LMAN2: variants seen among roughly 807,000 people sequenced by gnomAD.
LMAN2 encodes vesicular integral-membrane protein VIP36.
In LMAN2, 22 loss-of-function variants were observed where a neutral mutation model predicts 39.3. That is an observed-to-expected ratio of 0.56 (90% confidence interval 0.40 to 0.80). The LOEUF (loss-of-function observed/expected upper bound fraction) is 0.80. Ranked by LOEUF, LMAN2 falls within the 30% of genes least tolerant of loss-of-function variation. The pLI is 0.00. For synonymous variants in LMAN2, 207 were observed against 207.8 expected (o/e 1.00, Z 0.03); for missense variants, 494 against 505.4 (o/e 0.98, Z 0.22).
chr5:177,337,189 C>A lies in LMAN2; in HGVS notation c.737G>T (p.Arg246Leu). The part of the protein sequence containing the change: ...WKNCIDITGV[R>L]LPTGYYFGAS... Reference sequence around the variant, plus strand: ...CCCGAAGTAGTAGCCGGTGGGCAGGCGCACTCCCGTGATGTCAATGCAGTT... The same window carrying A: ...CCCGAAGTAGTAGCCGGTGGGCAGGAGCACTCCCGTGATGTCAATGCAGTT... Residue 246 changes from arginine to leucine, a missense_variant, in exon 6 of 8, where the codon CGC becomes CTC. Physicochemically the swap from Arg to Leu is moderately radical, Grantham distance 102. Transcript: ENST00000303127. The surrounding 1 kb of genome is among the most constrained non-coding windows in gnomAD (Gnocchi z 8.2). The A allele has an allele frequency of 6.2e-7, 1 of 1,613,952 alleles. No individual in the cohort carries two copies. Among genetic ancestry groups the A allele is most frequent in the Non-Finnish European group, 8.5e-7 (1 of 1,179,966 alleles).
chr5:177,339,600 T>G (rs987699910), intron 2 of LMAN2, among the ~76,000 whole-genome samples: 1 of 152,186 alleles, frequency 6.6e-6, no homozygotes, highest in Admixed American at 6.5e-5. Context: ...AGCAAGTGAT[T>G]AAACAAAGAC....
At chr5:177,339,294 C>T (rs551815494) in intron 2 of LMAN2, among the ~76,000 whole-genome samples, 2 of 152,348 alleles carry the variant, frequency 1.3e-5, no homozygotes, top group African/African-American at 4.8e-5. Flanking sequence ...AAAATCAGGC[C>T]GGGTCAGTGC....
chr5:177,342,048 T>C (rs1408153737), intron 2 of LMAN2, among the ~76,000 whole-genome samples: 2 of 152,000 alleles, frequency 1.3e-5, no homozygotes, highest in East Asian at 1.9e-4. Flanking sequence ...TTTGAATATA[T>C]AGAGTAAGAT....
At chr5:177,344,109 C>T (rs962884170) in intron 2 of LMAN2, among the ~76,000 whole-genome samples, 4 of 151,306 alleles carry the variant, frequency 2.6e-5, no homozygotes, top group Admixed American at 6.6e-5. Context: ...ATCCCAGCTA[C>T]TCAGGACACT....
At position 177,337,877 on chromosome 5, in the gene LMAN2, CAA is replaced by C; in HGVS notation, c.434-94_434-93del. 1.9e-6 allele frequency: 2 copies of C among 1,056,072 alleles called. No individual in the cohort carries two copies. The highest frequency in any genetic ancestry group is 2.9e-6 in the Non-Finnish European group (2 of 696,690). 65.4% of individuals were successfully genotyped at this position (1,056,072 alleles called of 1,614,324 possible). A position where few individuals can be genotyped will look rare whatever the true frequency, so the allele number is the denominator to read the frequency against. On this transcript the variant is annotated intron_variant, in intron 3 of 7. Transcript: ENST00000303127. This position sits in a 1 kb window ranked among gnomAD's most constrained non-coding sequence, Gnocchi z 8.2. ...CAAGCAATGCCAACATGGGTGGGGG[CAA>C]GAGAGCCCAACCCACTGGCCATTCA... is the stretch of plus-strand genomic sequence containing the variant.
At chr5:177,341,356 G>A (rs907066108) in intron 2 of LMAN2, among the ~76,000 whole-genome samples, 9 of 151,990 alleles carry the variant, frequency 5.9e-5, no homozygotes, top group Admixed American at 1.3e-4. Context: ...GTGAGCCACC[G>A]CGCCCGGCCA....
At position 177,337,577 on chromosome 5, in the gene LMAN2, A is replaced by G. The variant is rs1761494445; in HGVS notation, c.514-53T>C. On this transcript the variant is annotated intron_variant, in intron 4 of 7. Coordinates refer to ENST00000303127, the MANE Select transcript of LMAN2 (RefSeq NM_006816.3). This position sits in a 1 kb window ranked among gnomAD's most constrained non-coding sequence, Gnocchi z 8.2. ...AAGCAGCCCAGCCTGTGGGGCGAGC[A>G]GGGGCACCCACCACCCCAATCCCTG... The G allele has an allele frequency of 1.4e-5, 22 of 1,608,572 alleles. No individual in the cohort carries two copies. The highest frequency in any genetic ancestry group is 1.8e-5 in the Non-Finnish European group (21 of 1,176,046).
At chr5:177,342,593 G>C (rs753149978) in intron 2 of LMAN2, among the ~76,000 whole-genome samples, 6 of 152,178 alleles carry the variant, frequency 3.9e-5, no homozygotes, top group Non-Finnish European at 8.8e-5. Flanking sequence ...GGCTGAGGCA[G>C]GAGGATCACT....
intron 2 of LMAN2, among the ~76,000 whole-genome samples, chr5:177,339,766 G>A (rs1025560759): frequency 1.3e-5 from 2 of 152,156 alleles, no homozygotes; most frequent in Non-Finnish European, 2.9e-5. Context: ...CTGGGAGGGG[G>A]ATTATGGCGA....
At position 177,337,208 on chromosome 5, in the gene LMAN2, T is replaced by C. The variant is rs1309655721; in HGVS notation, c.718A>G (p.Ile240Val). The C allele has an allele frequency of 1.9e-6, 3 of 1,613,936 alleles. No homozygotes were observed. The highest frequency in any genetic ancestry group is 2.7e-5 in the African/African-American group (2 of 74,932). ...GGCAGGCGCACTCCCGTGATGTCAA[T>C]GCAGTTCTTCCACTCGTTCTTGTCC... is the stretch of plus-strand genomic sequence containing the variant. ...LEDKNEWKNC[I>V]DITGVRLPTG... Residue 240 changes from isoleucine to valine, a missense_variant, in exon 6 of 8, where the codon ATT becomes GTT. Physicochemically the swap from Ile to Val is conservative, Grantham distance 29. Coordinates refer to ENST00000303127, the MANE Select transcript of LMAN2 (RefSeq NM_006816.3). This position sits in a 1 kb window ranked among gnomAD's most constrained non-coding sequence, Gnocchi z 8.2.
chr5:177,342,766 G>C (rs1217235930), intron 2 of LMAN2, among the ~76,000 whole-genome samples: 1 of 149,838 alleles, frequency 6.7e-6, no homozygotes, highest in Non-Finnish European at 1.5e-5. Flanking sequence ...CATGACACTG[G>C]ATTTAGTAAA....
chr5:177,336,654 G>C (rs901104936), intron 6 of LMAN2, among the ~76,000 whole-genome samples: 15 of 152,212 alleles, frequency 9.9e-5, no homozygotes, highest in African/African-American at 3.1e-4. Flanking sequence ...GAGGGGCACA[G>C]GTGCCACTGA....
intron 6 of LMAN2, chr5:177,334,699 A>G: frequency 3.0e-6 from 1 of 327,890 alleles, no homozygotes; most frequent in South Asian, 3.3e-5. Flanking sequence ...GCACATGTAG[A>G]GGAGTGATGA....
chr5:177,345,772 TA>T (rs1299149603), intron 2 of LMAN2, among the ~76,000 whole-genome samples: 1 of 151,036 alleles, frequency 6.6e-6, no homozygotes, highest in African/African-American at 2.4e-5. Flanking sequence ...TTTATTTATT[TA>T]TTTATTTATT....
At chr5:177,343,493 T>C (rs983017300) in intron 2 of LMAN2, among the ~76,000 whole-genome samples, 2 of 72,932 alleles carry the variant, frequency 2.7e-5, no homozygotes, top group Non-Finnish European at 5.4e-5. Flanking sequence ...TGCAGCACTA[T>C]TCACAATGGC....
chr5:177,332,385 G>A lies in LMAN2; in HGVS notation c.911-139C>T. ...GTACTCACCCCCCTCACCGGGGAGG[G>A]GCAGAGGTCAGGTGAAGCCCATCCC... On this transcript the variant is annotated intron_variant, in intron 7 of 7. Coordinates refer to ENST00000303127, the MANE Select transcript of LMAN2 (RefSeq NM_006816.3). The surrounding 1 kb of genome is among the most constrained non-coding windows in gnomAD (Gnocchi z 6.3). 1 of 765,578 alleles carries A rather than the reference G, an allele frequency of 1.3e-6. No homozygotes were observed. Among genetic ancestry groups the A allele is most frequent in the Non-Finnish European group, 2.1e-6 (1 of 475,002 alleles). The allele number at this position is 765,578 out of a possible 1,614,324, so 47.4% of individuals were successfully genotyped here.
chr5:177,340,807 T>C (rs528650178), intron 2 of LMAN2, among the ~76,000 whole-genome samples: 1 of 150,834 alleles, frequency 6.6e-6, no homozygotes, highest in Admixed American at 6.6e-5. Flanking sequence ...CAGGCTGGAG[T>C]GCAGTGGCAC....
rs1361860952 is a variant in LMAN2 at position 177,337,315 on chromosome 5, A to C, written c.675+48T>G. 1.2e-6 allele frequency: 2 copies of C among 1,611,230 alleles called. No homozygotes were observed. Among genetic ancestry groups the C allele is most frequent in the Non-Finnish European group, 1.7e-6 (2 of 1,179,688 alleles). On this transcript the variant is annotated intron_variant, in intron 5 of 7. Coordinates refer to ENST00000303127, the MANE Select transcript of LMAN2 (RefSeq NM_006816.3). The surrounding 1 kb of genome is among the most constrained non-coding windows in gnomAD (Gnocchi z 8.2). ...GCCTGCCCTCCTGAGCCTCTGTGGG[A>C]CCAGCACAGGGCCACCAGCTGCCAC... is the stretch of plus-strand genomic sequence containing the variant.
Position 177,337,252 on chromosome 5 carries a change from T to C in LMAN2, c.676-2A>G. The C allele has an allele frequency of 1.2e-6, 2 of 1,613,954 alleles. No homozygotes were observed. Among genetic ancestry groups the C allele is most frequent in the African/African-American group, 1.3e-5 (1 of 75,052 alleles). On this transcript the variant is annotated splice_acceptor_variant, in intron 5 of 7. Coordinates refer to ENST00000303127, the MANE Select transcript of LMAN2 (RefSeq NM_006816.3). LOFTEE classifies it high-confidence loss of function. This position sits in a 1 kb window ranked among gnomAD's most constrained non-coding sequence, Gnocchi z 8.2. ...CTTGTCCTCCAGGTCGGTCATCACC[T>C]GCAGGGCCCAGCACGCTAAGCACCT...
Sources: allele counts gnomAD v4.1 joint callset (sites outside exome capture counted in the v4.1 genomes callset), GRCh38; gene constraint gnomAD v4.1.1; non-coding constraint Gnocchi (gnomAD v3.1); transcripts MANE v1.5; gene names NCBI Gene and HGNC (gene_info 2026-07-23, HGNC 2026-07-21).